Variants in TLE6 observed in about 807,000 individuals in gnomAD.
The protein encoded by TLE6 is transducin-like enhancer protein 6.
Under a neutral mutation model 77.1 loss-of-function variants are expected in TLE6, and 72 were observed. The ratio of observed to expected loss-of-function variants is 0.93; its 90% CI spans 0.77 to 1.14. TLE6 has a LOEUF of 1.14. Among genes scored for constraint, TLE6 ranks in the 50% most tolerant of loss-of-function variants. The pLI is 0.00. For missense variants in TLE6, 843 were observed against 747.6 expected (o/e 1.13, Z -1.49); for synonymous variants, 366 against 287.3 (o/e 1.27, Z -2.77).
Position 2,987,915 on chromosome 19 carries a change from G to A in TLE6, c.643G>A (p.Ala215Thr), listed in dbSNP as rs1476433145. 3.1e-6 allele frequency: 5 copies of A among 1,609,850 alleles called. No homozygotes were observed. The South Asian group carries it at 3.3e-5, about 11-fold the overall frequency. Residue 215 changes from alanine to threonine, a missense_variant, in exon 10 of 17, where the codon GCC becomes ACC. By Grantham distance (58) the Ala-to-Thr change is moderately conservative (BLOSUM62 0). Coordinates refer to ENST00000246112, the MANE Select transcript of TLE6 (RefSeq NM_001143986.2). ...CCCACTAGCCCCCAGGCCACCTGAG[G>A]CCTCCTCCAGTCCCCCTGAGGGTTC... is the stretch of plus-strand genomic sequence containing the variant. ...EDASTPRPPE[A>T]SSSPPEGSQD... is the part of the protein sequence containing the mutation.
In TLE6 at chr19:2,984,351, C is replaced by CGG. The variant is rs1491410310; in HGVS notation, c.222+2162_222+2163insGG. The CGG allele has an allele frequency of 4.8e-4, 73 of 150,764 alleles. 1 individual carries two copies. The highest frequency in any genetic ancestry group is 1.7e-3 in the African/African-American group (70 of 41,094). The allele number at this position is 150,764 out of a possible 1,614,324, so 9.3% of individuals were successfully genotyped here. A position where few individuals can be genotyped will look rare whatever the true frequency, so the allele number is the denominator to read the frequency against. ...GCATCAGCCTGGAGTCCCCCCCCCC[C>CGG]CGCGGGGCTCCGATGGAGGGTCTCC... is the stretch of plus-strand genomic sequence containing the variant. On this transcript the variant is annotated intron_variant, in intron 5 of 16. Transcript: ENST00000246112.
intron 5 of TLE6, among the ~76,000 whole-genome samples, chr19:2,983,626 G>A (rs990429067): frequency 1.2e-5 from 1 of 85,850 alleles, no homozygotes; most frequent in Non-Finnish European, 2.4e-5. Flanking sequence ...GAGAGGAGGA[G>A]GGGGGGAGGG....
chr19:2,990,994 C>CA (rs970049194), intron 13 of TLE6, among the ~76,000 whole-genome samples: 101 of 148,102 alleles, frequency 6.8e-4, no homozygotes, highest in East Asian at 2.4e-3. Context: ...GACTCTGACT[C>CA]AAAAAAAAAT....
Position 2,989,063 on chromosome 19 carries a change from C to G in TLE6, c.743C>G (p.Ser248Cys). 1 of 1,612,930 alleles carries G rather than the reference C, an allele frequency of 6.2e-7. No individual in the cohort carries two copies. Among genetic ancestry groups the G allele is most frequent in the Non-Finnish European group, 8.5e-7 (1 of 1,179,076 alleles). Residue 248 changes from serine (S) to cysteine (C), a missense_variant and splice_region_variant, in exon 12 of 17, where the codon TCC becomes TGC. Transcript: ENST00000246112. ...GRASRFLQSI[S>C]WDPEDFEDAW... Reference sequence around the variant, plus strand: ...ACCCCAAGGCCTCCCCTCCCAAGATCCTGGGACCCTGAGGACTTTGAAGAT... The same window carrying G: ...ACCCCAAGGCCTCCCCTCCCAAGATGCTGGGACCCTGAGGACTTTGAAGAT...
chr19:2,983,555 C>A (rs1358820679), intron 5 of TLE6, among the ~76,000 whole-genome samples: 1 of 144,462 alleles, frequency 6.9e-6, no homozygotes, highest in Non-Finnish European at 1.5e-5. Flanking sequence ...TGAGGCAGGA[C>A]GGTGCCTGTT....
chr19:2,988,925 T>G, intron 11 of TLE6, 136 bp from the exon 12 acceptor site: 2 of 668,104 alleles, frequency 3.0e-6, no homozygotes, highest in Non-Finnish European at 4.2e-6. Flanking sequence ...TTGAGGGGAG[T>G]CTAGAGGGTA....
intron 5 of TLE6, among the ~76,000 whole-genome samples, chr19:2,986,534 T>C (rs1294372688): frequency 6.6e-6 from 1 of 151,724 alleles, no homozygotes; most frequent in East Asian, 1.9e-4. Context: ...GCCAACATGG[T>C]GAAACCCCAT....
Position 2,993,486 on chromosome 19 carries a change from A to G in TLE6, c.1441A>G (p.Asn481Asp). The change falls in exon 15 of 17, where the codon AAT becomes GAT. Residue 481 changes from asparagine (N) to aspartate (D), a missense_variant. Physicochemically the swap from Asn to Asp is conservative, Grantham distance 23. Coordinates refer to ENST00000246112, the MANE Select transcript of TLE6 (RefSeq NM_001143986.2). Reference protein sequence around the residue: ...QEDWVLLGMANGQQWLQSTSG... With the variant: ...QEDWVLLGMADGQQWLQSTSG... ...GGACTGGGTGCTGCTGGGCATGGCC[A>G]ATGGCCAGCAGTGGCTGCAAAGCAC... 2 of 1,601,580 alleles carry G rather than the reference A, an allele frequency of 1.2e-6. No individual in the cohort carries two copies. The highest frequency in any genetic ancestry group is 1.7e-6 in the Non-Finnish European group (2 of 1,170,594).
chr19:2,985,670 C>A (rs913871032), intron 5 of TLE6, among the ~76,000 whole-genome samples: 4 of 149,824 alleles, frequency 2.7e-5, no homozygotes. Flanking sequence ...CCGCCCGCCT[C>A]GGCCTCCCAG....
At chr19:2,985,708 C>T (rs528327788) in intron 5 of TLE6, among the ~76,000 whole-genome samples, 7 of 150,464 alleles carry the variant, frequency 4.7e-5, no homozygotes, top group South Asian at 2.1e-4. Context: ...CGTGAGCCAC[C>T]GCACCCGGCC....
chr19:2,993,026 T>TAAA (rs377287142), intron 14 of TLE6, among the ~76,000 whole-genome samples: 979 of 48,348 alleles, frequency 0.02, 56 homozygotes, highest in African/African-American at 0.025. Context: ...CCGTCTCTAC[T>TAAA]AAAAAAAAAA....
Position 2,989,537 on chromosome 19 carries a change from C to T in TLE6, c.996C>T (p.Thr332=). 11 of 1,611,380 alleles carry T rather than the reference C, an allele frequency of 6.8e-6. No individual in the cohort carries two copies. Among genetic ancestry groups the T allele is most frequent in the African/African-American group, 1.3e-5 (1 of 75,016 alleles). The part of the protein sequence containing the change: ...RFPESHLPIQ[T]PGAFLRTCLL... ...CACAGTGACTCTGCCCATCCCAGACCCCTGGGGCCTTCCTGCGCACCTGCC... is the reference window on the plus strand; with the variant it reads ...CACAGTGACTCTGCCCATCCCAGACTCCTGGGGCCTTCCTGCGCACCTGCC... The change falls in exon 13 of 17, where the codon ACC becomes ACT. Residue 332 remains threonine, a splice_region_variant and synonymous_variant. Transcript: ENST00000246112.
chr19:2,986,735 T>C lies in TLE6; in HGVS notation c.223-94T>C, dbSNP rs1049400909. On this transcript the variant is annotated intron_variant, in intron 5 of 16. Transcript: ENST00000246112. ...TCTCAAAAAAACAAGTAGATTGATA[T>C]ACCTTCTTCTACAGGTGGGGATAAT... 5 of 1,257,064 alleles carry C rather than the reference T, an allele frequency of 4.0e-6. No individual in the cohort carries two copies. The African/African-American group carries it at 6.0e-5, about 15-fold the overall frequency. 77.9% of individuals were successfully genotyped at this position (1,257,064 alleles called of 1,614,324 possible).
chr19:2,978,208 A>G lies in TLE6; in HGVS notation c.-26A>G. The G allele has an allele frequency of 1.3e-6, 2 of 1,550,790 alleles. No homozygotes were observed. The highest frequency in any genetic ancestry group is 2.4e-5 in the South Asian group (2 of 84,040). On this transcript the variant is annotated 5_prime_UTR_variant, in exon 2 of 17. Transcript: ENST00000246112. Reference sequence around the variant, plus strand: ...TCCTTGTTGTTTTAGACTCTGGCTAAAGTCTTGGAGGCTACTGCCTTGAAG... The same window carrying G: ...TCCTTGTTGTTTTAGACTCTGGCTAGAGTCTTGGAGGCTACTGCCTTGAAG...
In TLE6 at chr19:2,982,084, C is replaced by G. The variant is rs2088809445; in HGVS notation, c.181-64C>G. 9 of 1,532,868 alleles carry G rather than the reference C, an allele frequency of 5.9e-6. No homozygotes were observed. In the Admixed American group the frequency reaches 1.8e-4, roughly 30 times the overall value. 95.0% of individuals were successfully genotyped at this position (1,532,868 alleles called of 1,614,324 possible). A position where few individuals can be genotyped will look rare whatever the true frequency, so the allele number is the denominator to read the frequency against. ...GGGCCAGAGAGGTAGAGCAGCTTGC[C>G]CAGGGTCACACAGCATTCACACCCG... On this transcript the variant is annotated intron_variant, in intron 4 of 16. Coordinates refer to ENST00000246112, the MANE Select transcript of TLE6 (RefSeq NM_001143986.2).
At chr19:2,990,564 C>T (rs1179354340) in intron 13 of TLE6, among the ~76,000 whole-genome samples, 6 of 149,738 alleles carry the variant, frequency 4.0e-5, no homozygotes, top group African/African-American at 1.5e-4. Flanking sequence ...AGATCTGTGC[C>T]ACTGCGTTCC....
chr19:2,987,672 C>T, intron 8 of TLE6, 52 bp from the exon 9 acceptor site: 1 of 1,602,772 alleles, frequency 6.2e-7, no homozygotes, highest in Non-Finnish European at 8.5e-7. Context: ...CCGAGGTCTT[C>T]TGGTCCTAAC....
intron 2 of TLE6, among the ~76,000 whole-genome samples, chr19:2,978,516 G>A (rs1479538212): frequency 6.6e-6 from 1 of 152,126 alleles, no homozygotes; most frequent in Admixed American, 6.6e-5. Context: ...TTTGGAGGCC[G>A]AGGCAGGAGG....
At chr19:2,982,212 G>A (rs747950644) in intron 5 of TLE6, 23 bp downstream of exon 5, 11 of 1,550,984 alleles carry the variant, frequency 7.1e-6, no homozygotes, top group Middle Eastern at 1.7e-4. Context: ...GAGCTCAGGG[G>A]TGCGGCTGTC....
Sources: allele counts gnomAD v4.1 joint callset (sites outside exome capture counted in the v4.1 genomes callset), GRCh38; gene constraint gnomAD v4.1.1; transcripts MANE v1.5; gene names NCBI Gene and HGNC (gene_info 2026-07-23, HGNC 2026-07-21).